The following ACE variants were observed in gnomAD, a reference collection of about 807,000 sequenced individuals.
ACE encodes angiotensin-converting enzyme.
In ACE, 122 loss-of-function variants were observed where a neutral mutation model predicts 162.3. The ratio of observed to expected loss-of-function variants is 0.75; its 90% confidence interval spans 0.65 to 0.87. The LOEUF (loss-of-function observed/expected upper bound fraction) is 0.87. ACE is among the 40% of genes least tolerant of loss of function. The pLI, the probability that ACE is intolerant of heterozygous loss-of-function variation, is 0.00. For missense variants in ACE, 1,799 were observed against 1,735.1 expected, an observed-to-expected ratio of 1.04 and a Z score of -0.65; for synonymous variants, 796 against 720.6, an observed-to-expected ratio of 1.10 and a Z score of -1.68.
At chr17:63,481,333 C>T (rs2049706168) in intron 6 of ACE, 145 bp downstream of exon 6, 9 of 921,566 alleles carry the variant, frequency 9.8e-6, no homozygotes, top group Admixed American at 2.0e-5. Flanking sequence ...CTGGGGTCGG[C>T]CCCCTCAGTG....
At position 63,483,488 on chromosome 17, in the gene ACE, G is replaced by C; in HGVS notation, c.1516G>C (p.Val506Leu). Residue 506 changes from valine (V) to leucine (L), a missense_variant, in exon 10 of 25, where the codon GTT (valine) becomes CTT (leucine). Coordinates refer to ENST00000290866, the MANE Select transcript of ACE (RefSeq NM_000789.4). ...RTKYQGICPP[V>L]TRNETHFDAG... ...CAAGTATCAGGGGATCTGTCCTCCTGTTACCCGAAACGAAACCCACTTTGA... is the reference window on the plus strand; with the variant it reads ...CAAGTATCAGGGGATCTGTCCTCCTCTTACCCGAAACGAAACCCACTTTGA... 1 of 1,614,128 alleles carries C rather than the reference G, an allele frequency of 6.2e-7. No individual in the cohort carries two copies. Among genetic ancestry groups the C allele is most frequent in the South Asian group, 1.1e-5 (1 of 91,082 alleles).
At position 63,482,571 on chromosome 17, in the gene ACE, G is replaced by A. The variant is rs1253155590; in HGVS notation, c.1224G>A (p.Leu408=). The change falls in exon 8 of 25, where the codon CTG becomes CTA. Residue 408 remains leucine (L), a synonymous_variant. Transcript: ENST00000290866. Reference sequence around the variant, plus strand: ...AGTACAAGGATCTGCCCGTCTCCCTGCGTCGGGGGGCCAACCCCGGCTTCC... The same window carrying A: ...AGTACAAGGATCTGCCCGTCTCCCTACGTCGGGGGGCCAACCCCGGCTTCC... The part of the protein sequence containing the change: ...YLQYKDLPVS[L]RRGANPGFHE... 7 of 1,613,998 alleles carry A rather than the reference G, an allele frequency of 4.3e-6. No homozygotes were observed. Among genetic ancestry groups the A allele is most frequent in the Non-Finnish European group, 5.9e-6 (7 of 1,180,040 alleles).
In ACE at chr17:63,484,558, G is replaced by A. The variant is rs1444985298; in HGVS notation, c.1921+17G>A. 1.9e-6 allele frequency: 3 copies of A among 1,604,114 alleles called. No homozygotes were observed. Among genetic ancestry groups the A allele is most frequent in the Middle Eastern group, 2.0e-4 (1 of 5,118 alleles). ...AGGGCATAGGTAAAGCCCTGAGTGAGGATGGTGTGGGGCTAAGGTGGGTCC... is the reference window on the plus strand; with the variant it reads ...AGGGCATAGGTAAAGCCCTGAGTGAAGATGGTGTGGGGCTAAGGTGGGTCC... On this transcript the variant is annotated intron_variant, in intron 12 of 24. Transcript: ENST00000290866. This position sits in a 1 kb window ranked among gnomAD's most constrained non-coding sequence, Gnocchi z 4.0.
chr17:63,496,792 C>A lies in ACE; in HGVS notation c.3504-6C>A. 6.2e-7 allele frequency: 1 copy of A among 1,611,490 alleles called. No homozygotes were observed. Among genetic ancestry groups the A allele is most frequent in the African/African-American group, 1.3e-5 (1 of 75,042 alleles). On this transcript the variant is annotated splice_polypyrimidine_tract_variant and splice_region_variant and intron_variant, in intron 23 of 24. Coordinates refer to ENST00000290866, the MANE Select transcript of ACE (RefSeq NM_000789.4). Reference sequence around the variant, plus strand: ...GACTCTGCCTCCCTGTCTCATGCCTCCCCAGGACCGCCATGAAGCTGGGCT... The same window carrying A: ...GACTCTGCCTCCCTGTCTCATGCCTACCCAGGACCGCCATGAAGCTGGGCT...
At position 63,481,164 on chromosome 17, in the gene ACE, T is replaced by C; in HGVS notation, c.921T>C (p.Asp307=). The change falls in exon 6 of 25, where the codon GAT becomes GAC. Residue 307 remains aspartate, a synonymous_variant. Coordinates refer to ENST00000290866, the MANE Select transcript of ACE (RefSeq NM_000789.4). ...VVPFPDKPNL[D]VTSTMLQQGW... is the part of the protein sequence containing the mutation. The stretch of plus-strand genomic sequence containing the variant: ...CTTTCCCAGACAAGCCCAACCTCGA[T>C]GTCACCAGTACTATGCTGCAGCAGG... The C allele has an allele frequency of 6.5e-7, 1 of 1,543,864 alleles. No individual in the cohort carries two copies. Among genetic ancestry groups the C allele is most frequent in the Non-Finnish European group, 8.8e-7 (1 of 1,138,560 alleles).
Position 63,491,049 on chromosome 17 carries a change from C to T in ACE, c.2737C>T (p.Gln913Ter). The T allele has an allele frequency of 1.2e-6, 2 of 1,614,160 alleles. No individual in the cohort carries two copies. Among genetic ancestry groups the T allele is most frequent in the East Asian group, 2.2e-5 (1 of 44,868 alleles). The change falls in exon 18 of 25, where the codon CAG (glutamine) becomes TAG (stop). Residue 913 changes from glutamine (Q) to a stop codon, truncating the protein, a stop_gained and splice_region_variant. Transcript: ENST00000290866. LOFTEE classifies it high-confidence loss of function. The surrounding 1 kb of genome is among the most constrained non-coding windows in gnomAD (Gnocchi z 4.4). ...GGACACCACAGAGGCTATGCTAAAG[C>T]AGGTCCGCACCAGCCCAGGGGCAGG... The part of the protein sequence containing the change: ...SMDTTEAMLK[Q>*]GWTPRRMFKE...
rs756159839 is a variant in ACE, at chr17:63,491,344, G to A, written c.2875G>A (p.Ala959Thr). The A allele has an allele frequency of 1.3e-5, 21 of 1,614,010 alleles. No individual in the cohort carries two copies. Among genetic ancestry groups the A allele is most frequent in the Middle Eastern group, 1.6e-4 (1 of 6,084 alleles). ...CGACGGGCGGGAGGTGGTCTGCCAC[G>A]CCTCGGCCTGGGACTTCTACAACGG... is the stretch of plus-strand genomic sequence containing the variant. ...PTDGREVVCH[A>T]SAWDFYNGKD... Residue 959 changes from alanine (A) to threonine (T), a missense_variant, in exon 19 of 25, where the codon GCC becomes ACC. By Grantham distance (58) the Ala-to-Thr change is moderately conservative. Coordinates refer to ENST00000290866, the MANE Select transcript of ACE (RefSeq NM_000789.4). This position sits in a 1 kb window ranked among gnomAD's most constrained non-coding sequence, Gnocchi z 4.4.
chr17:63,493,774 C>T lies in ACE; in HGVS notation c.3136+115C>T, dbSNP rs13306084. On this transcript the variant is annotated intron_variant, in intron 20 of 24. Coordinates refer to ENST00000290866, the MANE Select transcript of ACE (RefSeq NM_000789.4). ...GGGCAGAGGTGTGGGGCAGAGCAAT[C>T]GGAAGGAAGGGAGCCACCCAGACCA... 2.1e-5 allele frequency: 32 copies of T among 1,515,996 alleles called. No individual in the cohort carries two copies. The African/African-American group carries it at 2.3e-4, about 11-fold the overall frequency. The allele number at this position is 1,515,996 out of a possible 1,614,324, so 93.9% of individuals were successfully genotyped here.
chr17:63,479,758 C>G lies in ACE; in HGVS notation c.512-11C>G. The G allele has an allele frequency of 6.2e-7, 1 of 1,613,140 alleles. No individual in the cohort carries two copies. The highest frequency in any genetic ancestry group is 8.5e-7 in the Non-Finnish European group (1 of 1,180,020). On this transcript the variant is annotated splice_polypyrimidine_tract_variant and intron_variant, in intron 3 of 24. Transcript: ENST00000290866. The stretch of plus-strand genomic sequence containing the variant: ...AGGCCTCCTCACCGACCCTGCCTGC[C>G]TGTGTCTCAGATCTCACCAACATCC...
Position 63,493,902 on chromosome 17 carries a change from T to C in ACE, c.3137-20T>C. The C allele has an allele frequency of 6.2e-7, 1 of 1,614,154 alleles. No homozygotes were observed. The highest frequency in any genetic ancestry group is 8.5e-7 in the Non-Finnish European group (1 of 1,180,030). On this transcript the variant is annotated intron_variant, in intron 20 of 24. Coordinates refer to ENST00000290866, the MANE Select transcript of ACE (RefSeq NM_000789.4). ...CCGCTAGGACCCTGGGTCTGACAGC[T>C]GGGCTCCCTTCCCTTGCAGAGCATG...
At position 63,479,032 on chromosome 17, in the gene ACE, G is replaced by A. The variant is rs147057007; in HGVS notation, c.443G>A (p.Ser148Asn). 3.1e-6 allele frequency: 5 copies of A among 1,613,556 alleles called. No homozygotes were observed. The African/African-American group carries it at 5.3e-5, about 17-fold the overall frequency. The part of the protein sequence containing the change: ...QQYNALLSNM[S>N]RIYSTAKVCL... ...TACAACGCCCTGCTAAGCAACATGA[G>A]CAGGATCTACTCCACCGCCAAGGTC... The change falls in exon 3 of 25, where the codon AGC becomes AAC. Residue 148 changes from serine to asparagine, a missense_variant. Transcript: ENST00000290866.
At chr17:63,496,193 C>A (rs755740374) in intron 22 of ACE, 40 of 709,840 alleles carry the variant, frequency 5.6e-5, no homozygotes, top group Non-Finnish European at 9.2e-5. Flanking sequence ...ACAGGCACGG[C>A]TAGGAAGAGG....
rs746676556 is a variant in ACE at position 63,486,731 on chromosome 17, G to A, written c.2217+16G>A. On this transcript the variant is annotated intron_variant, in intron 14 of 24. Transcript: ENST00000290866. ...GCTGGAGGAGGTGTGTGGCTCGCAA[G>A]GTACAGGGAGAGGGGAATCCTGGGG... 5.0e-6 allele frequency: 8 copies of A among 1,614,046 alleles called. No individual in the cohort carries two copies. Among genetic ancestry groups the A allele is most frequent in the African/African-American group, 1.3e-5 (1 of 74,940 alleles).
chr17:63,478,831 A>T, intron 2 of ACE, 176 bp from the exon 3 acceptor site: 1 of 660,330 alleles, frequency 1.5e-6, no homozygotes, highest in Non-Finnish European at 2.8e-6. Context: ...CTGGCAGGGG[A>T]CTCAGAAGTG....
In ACE at chr17:63,497,408, A is replaced by G. The variant is rs1304203110; in HGVS notation, c.*42A>G. The stretch of plus-strand genomic sequence containing the variant: ...CGGCCCTGCCCAAGGGCCTCCCACC[A>G]GAGACTGGGATGGGAACACTGGTGG... On this transcript the variant is annotated 3_prime_UTR_variant, in exon 25 of 25. Coordinates refer to ENST00000290866, the MANE Select transcript of ACE (RefSeq NM_000789.4). The G allele has an allele frequency of 1.3e-6, 2 of 1,512,554 alleles. No individual in the cohort carries two copies. The highest frequency in any genetic ancestry group is 1.8e-6 in the Non-Finnish European group (2 of 1,116,908). The allele number at this position is 1,512,554 out of a possible 1,614,324, so 93.7% of individuals were successfully genotyped here. A position where few individuals can be genotyped will look rare whatever the true frequency, so the allele number is the denominator to read the frequency against.
At chr17:63,485,612 G>T in intron 13 of ACE, 1 of 490,330 alleles carries the variant, frequency 2.0e-6, no homozygotes, top group Non-Finnish European at 3.8e-6. Flanking sequence ...CCCATCTCTA[G>T]TAAAAATACA....
chr17:63,480,008 A>G, intron 4 of ACE, 96 bp downstream of exon 4: 3 of 1,512,550 alleles, frequency 2.0e-6, no homozygotes, highest in Non-Finnish European at 2.7e-6. Context: ...AGCAGCTGGT[A>G]TGACAATTCC....
chr17:63,487,389 C>T (rs1335444654), intron 15 of ACE, among the ~76,000 whole-genome samples: 1 of 152,098 alleles, frequency 6.6e-6, no homozygotes, highest in African/African-American at 2.4e-5. Flanking sequence ...TGGGCTTGGA[C>T]TCCAAATGGG....
rs536059770 is a variant in ACE, at chr17:63,491,947, C to G, written c.2912+566C>G. ...TGGAAATGGCCTTTCTCTACAGGGC[C>G]CCCTCTGTTGGGGGCAGCTCTCACA... On this transcript the variant is annotated intron_variant, in intron 19 of 24. Coordinates refer to ENST00000290866, the MANE Select transcript of ACE (RefSeq NM_000789.4). This position sits in a 1 kb window ranked among gnomAD's most constrained non-coding sequence, Gnocchi z 4.4. Among the ~76,000 whole-genome samples the G allele has an allele frequency of 1.8e-4, 27 of 152,336 alleles. No homozygotes were observed. The highest frequency in any genetic ancestry group is 6.0e-4 in the African/African-American group (25 of 41,578).
Sources: gnomAD v4.1 joint callset for allele counts (sites outside exome capture counted in the v4.1 genomes callset) on GRCh38, gnomAD v4.1.1 for gene constraint, Gnocchi (gnomAD v3.1) non-coding constraint, MANE v1.5 for transcripts, NCBI Gene and HGNC (gene_info 2026-07-23, HGNC 2026-07-21) for gene names.